Variants in PCIF1 observed in about 807,000 individuals in gnomAD.
PCIF1 encodes phosphorylated CTD interacting factor 1.
PCIF1 carries 12 observed loss-of-function variants against 86.9 expected under a neutral mutation model. The ratio of observed to expected loss-of-function variants is 0.14; its 90% CI spans 0.09 to 0.22. The LOEUF is 0.22. PCIF1 is among the 10% of genes least tolerant of loss of function. The pLI, the probability that PCIF1 is intolerant of heterozygous loss-of-function variation, is 1.00. For synonymous variants in PCIF1, 397 were observed against 372.0 expected (o/e 1.07, Z -0.77); for missense variants, 701 against 951.1 (o/e 0.74, Z 3.46).
Position 45,934,774 on chromosome 20 carries a change from A to G in PCIF1, c.-218A>G, listed in dbSNP as rs1466146594. 3 of 398,280 alleles carry G rather than the reference A, an allele frequency of 7.5e-6. No homozygotes were observed. Among genetic ancestry groups the G allele is most frequent in the African/African-American group, 2.1e-5 (1 of 48,590 alleles). 24.7% of individuals were successfully genotyped at this position (398,280 alleles called of 1,614,324 possible). A position where few individuals can be genotyped will look rare whatever the true frequency, so the allele number is the denominator to read the frequency against. ...AAACGGGCGGTCGAGCAGAACGTGT[A>G]GCCGCGTCCCCTCCAGTCCGCTCCG... On this transcript the variant is annotated 5_prime_UTR_variant, in exon 1 of 17. Transcript: ENST00000372409.
Position 45,947,737 on chromosome 20 carries a change from C to T in PCIF1, c.2097C>T (p.Arg699=), listed in dbSNP as rs144348252. Reference sequence around the variant, plus strand: ...CGGGCCGTGAGCAGGGTCCTAGCCGCGAGCCTCACCCCACTTAACATATCC... The same window carrying T: ...CGGGCCGTGAGCAGGGTCCTAGCCGTGAGCCTCACCCCACTTAACATATCC... ...RDSGREQGPS[R]EPHPT The change falls in exon 17 of 17, where the codon CGC becomes CGT. Residue 699 remains arginine, a synonymous_variant. Transcript: ENST00000372409. The surrounding 1 kb of genome is among the most constrained non-coding windows in gnomAD (Gnocchi z 5.4). The T allele has an allele frequency of 2.6e-4, 418 of 1,600,400 alleles. 1 individual carries two copies. The highest frequency in any genetic ancestry group is 1.8e-3 in the African/African-American group (133 of 74,732).
chr20:45,944,317 A>C (rs185055580), intron 10 of PCIF1, among the ~76,000 whole-genome samples: 48 of 152,314 alleles, frequency 3.2e-4, no homozygotes, highest in African/African-American at 1.0e-3. Flanking sequence ...AGAGAGTGAC[A>C]AAGGTAGGTG....
intron 7 of PCIF1, among the ~76,000 whole-genome samples, chr20:45,941,697 A>G (rs1467629801): frequency 1.3e-5 from 2 of 151,854 alleles, no homozygotes; most frequent in Non-Finnish European, 2.9e-5. Flanking sequence ...TGACCTTGTG[A>G]TGCGCCCGCC....
chr20:45,934,821 G>A lies in PCIF1; in HGVS notation c.-188+17G>A, dbSNP rs2083402064. ...TCCGGGCAGGTAAGAGTCCCAGGAA[G>A]CCATGGTCCCGCAGCGAGCCGCGCC... is the stretch of plus-strand genomic sequence containing the variant. On this transcript the variant is annotated intron_variant, in intron 1 of 16. Transcript: ENST00000372409. The A allele has an allele frequency of 7.5e-6, 3 of 398,236 alleles. No individual in the cohort carries two copies. The highest frequency in any genetic ancestry group is 6.3e-4 in the Middle Eastern group (1 of 1,590). The allele number at this position is 398,236 out of a possible 1,614,324, so 24.7% of individuals were successfully genotyped here.
Position 45,943,277 on chromosome 20 carries a change from C to G in PCIF1, c.821+33C>G, listed in dbSNP as rs778049244. 1 of 1,613,904 alleles carries G rather than the reference C, an allele frequency of 6.2e-7. No individual in the cohort carries two copies. The highest frequency in any genetic ancestry group is 2.2e-5 in the East Asian group (1 of 44,882). The stretch of plus-strand genomic sequence containing the variant: ...TCCACAGCTGGGGATGACCCTGGGC[C>G]ATTTGGTTTCTGTGCCCAGTCATGT... On this transcript the variant is annotated intron_variant, in intron 8 of 16. Coordinates refer to ENST00000372409, the MANE Select transcript of PCIF1 (RefSeq NM_022104.4). The surrounding 1 kb of genome is among the most constrained non-coding windows in gnomAD (Gnocchi z 5.5).
chr20:45,947,499 C>A lies in PCIF1; in HGVS notation c.1884-25C>A. On this transcript the variant is annotated intron_variant, in intron 16 of 16. Transcript: ENST00000372409. The surrounding 1 kb of genome is among the most constrained non-coding windows in gnomAD (Gnocchi z 5.4). ...CTGGCCAGGCCAGGCCCAGCCCCACCCTGAGCCATTGCCTTTGCCCGCAGG... is the reference window on the plus strand; with the variant it reads ...CTGGCCAGGCCAGGCCCAGCCCCACACTGAGCCATTGCCTTTGCCCGCAGG... 9 of 1,613,596 alleles carry A rather than the reference C, an allele frequency of 5.6e-6. No homozygotes were observed. The highest frequency in any genetic ancestry group is 1.1e-5 in the South Asian group (1 of 91,082).
rs767656395 is a variant in PCIF1, at chr20:45,947,785, G to A, written c.*30G>A. The stretch of plus-strand genomic sequence containing the variant: ...TCCTGCGGGGAGGAGGAGCCCCAGG[G>A]GTGCTAGTCTGGACTGCTGGGACTC... On this transcript the variant is annotated 3_prime_UTR_variant, in exon 17 of 17. Coordinates refer to ENST00000372409, the MANE Select transcript of PCIF1 (RefSeq NM_022104.4). The surrounding 1 kb of genome is among the most constrained non-coding windows in gnomAD (Gnocchi z 5.4). 36 of 1,586,064 alleles carry A rather than the reference G, an allele frequency of 2.3e-5. 1 individual carries two copies. The African/African-American group carries it at 3.7e-4, about 16-fold the overall frequency.
intron 10 of PCIF1, among the ~76,000 whole-genome samples, 182 bp from the exon 11 acceptor site, chr20:45,944,686 T>A (rs2083504986): frequency 6.6e-6 from 1 of 152,232 alleles, no homozygotes; most frequent in Admixed American, 6.5e-5. Context: ...TCGTGTCCCC[T>A]TGACACTTGA....
In PCIF1 at chr20:45,944,980, A is replaced by G. The variant is rs777073326; in HGVS notation, c.1118A>G (p.Lys373Arg). 29 of 1,613,856 alleles carry G rather than the reference A, an allele frequency of 1.8e-5. No homozygotes were observed. The highest frequency in any genetic ancestry group is 6.7e-5 in the East Asian group (3 of 44,896). Residue 373 changes from lysine to arginine, a missense_variant, in exon 11 of 17, where the codon AAA (lysine) becomes AGA (arginine). Lys to Arg is a conservative substitution (Grantham distance 26). Around this residue, in one of 7 missense-constraint regions of PCIF1, gnomAD observed 121 missense variants for 131.7 expected, o/e 0.92. Coordinates refer to ENST00000372409, the MANE Select transcript of PCIF1 (RefSeq NM_022104.4). ...KIYHISLEYV[K>R]RIREKHLAIL... The stretch of plus-strand genomic sequence containing the variant: ...TACCACATCTCCCTGGAGTACGTCA[A>G]ACGGATCCGAGAGAAGCACCTTGCC...
In PCIF1 at chr20:45,946,272, C is replaced by T; in HGVS notation, c.1501C>T (p.Leu501Phe). The change falls in exon 14 of 17, where the codon CTC becomes TTC. Residue 501 changes from leucine to phenylalanine, a missense_variant. By Grantham distance (22) the Leu-to-Phe change is conservative (BLOSUM62 0). Transcript: ENST00000372409. Reference sequence around the variant, plus strand: ...GCTGCCTGTGCATGTCTTTGAGGCCCTCCACCGACTCTTTGGCGTCAGCTT... The same window carrying T: ...GCTGCCTGTGCATGTCTTTGAGGCCTTCCACCGACTCTTTGGCGTCAGCTT... ...GSLPVHVFEA[L>F]HRLFGVSFEC... 6.2e-7 allele frequency: 1 copy of T among 1,614,184 alleles called. No individual in the cohort carries two copies. The highest frequency in any genetic ancestry group is 8.5e-7 in the Non-Finnish European group (1 of 1,180,042).
At position 45,940,664 on chromosome 20, in the gene PCIF1, C is replaced by T. The variant is rs193117448; in HGVS notation, c.387+52C>T. 845 of 1,576,910 alleles carry T rather than the reference C, an allele frequency of 5.4e-4. 4 individuals are homozygous for T. The African/African-American group carries it at 0.01, about 19-fold the overall frequency. ...TGCCGAGCGGCCGGCTCAGACGGGC[C>T]GCCTGCAGGCTCCCTGCAGGGGCTG... On this transcript the variant is annotated intron_variant, in intron 5 of 16. Coordinates refer to ENST00000372409, the MANE Select transcript of PCIF1 (RefSeq NM_022104.4).
In PCIF1 at chr20:45,939,201, G is replaced by C. The variant is rs202220890; in HGVS notation, c.125-14G>C. The C allele has an allele frequency of 1.4e-5, 23 of 1,613,866 alleles. No individual in the cohort carries two copies. In the Admixed American group the frequency reaches 2.8e-4, roughly 20 times the overall value. The stretch of plus-strand genomic sequence containing the variant: ...GCAGTCCTGACCCTGGCTGGGCTCC[G>C]TGCCTGTTTGCAGAGGAGCTGGTGC... On this transcript the variant is annotated splice_polypyrimidine_tract_variant and intron_variant, in intron 3 of 16. Transcript: ENST00000372409.
In PCIF1 at chr20:45,947,834, C is replaced by A; in HGVS notation, c.*79C>A. On this transcript the variant is annotated 3_prime_UTR_variant, in exon 17 of 17. Transcript: ENST00000372409. This position sits in a 1 kb window ranked among gnomAD's most constrained non-coding sequence, Gnocchi z 5.4. ...TCGGGCCCCTGGGGCCTCAGAGGGA[C>A]CCCGGCTGCCACTGACATATGAAGA... 3 of 1,534,720 alleles carry A rather than the reference C, an allele frequency of 2.0e-6. No homozygotes were observed. The highest frequency in any genetic ancestry group is 2.6e-6 in the Non-Finnish European group (3 of 1,153,412).
intron 7 of PCIF1, among the ~76,000 whole-genome samples, chr20:45,941,960 CTTTT>C (rs74176836): frequency 7.3e-6 from 1 of 136,668 alleles, no homozygotes; most frequent in Non-Finnish European, 1.6e-5. Flanking sequence ...GGCCTTTCAC[CTTTT>C]TTTTTTTTTT....
intron 11 of PCIF1, among the ~76,000 whole-genome samples, chr20:45,945,493 C>T (rs552974834): frequency 5.3e-5 from 8 of 152,346 alleles, no homozygotes; most frequent in South Asian, 4.1e-4. Flanking sequence ...GGCCCTGCTT[C>T]GGTACTGAGT....
chr20:45,937,175 C>T (rs768458786), intron 1 of PCIF1, among the ~76,000 whole-genome samples: 1 of 152,214 alleles, frequency 6.6e-6, no homozygotes, highest in Non-Finnish European at 1.5e-5. Flanking sequence ...CAGAGCCTTA[C>T]ACCAAGCTCA....
At chr20:45,946,870 G>T (rs2083532329) in intron 14 of PCIF1, among the ~76,000 whole-genome samples, 3 of 152,164 alleles carry the variant, frequency 2.0e-5, no homozygotes. Context: ...GGTGAACATG[G>T]GCATCCCAGC....
rs1568792182 is a variant in PCIF1 at position 45,940,516 on chromosome 20, C to G, written c.291C>G (p.Asp97Glu). ...LGLNATPLPQ[D>E]SSLVETPPAE... ...TGAATGCGACCCCACTGCCCCAAGACTCAAGCTTGGTGGAAACTCCCCCGG... is the reference window on the plus strand; with the variant it reads ...TGAATGCGACCCCACTGCCCCAAGAGTCAAGCTTGGTGGAAACTCCCCCGG... The change falls in exon 5 of 17, where the codon GAC (aspartate) becomes GAG (glutamate). Residue 97 changes from aspartate to glutamate, a missense_variant. Transcript: ENST00000372409. The G allele has an allele frequency of 1.9e-6, 3 of 1,608,394 alleles. No homozygotes were observed. The highest frequency in any genetic ancestry group is 2.5e-6 in the Non-Finnish European group (3 of 1,177,266).
At chr20:45,939,927 A>T (rs1293567577) in intron 4 of PCIF1, among the ~76,000 whole-genome samples, 1 of 152,104 alleles carries the variant, frequency 6.6e-6, no homozygotes, top group Admixed American at 6.5e-5. Context: ...TTCATTTTGC[A>T]TGTGAAGACA....
Sources: gnomAD v4.1 joint callset for allele counts (sites outside exome capture counted in the v4.1 genomes callset) on GRCh38, gnomAD v4.1.1 for gene constraint, gnomAD v4.1.1 regional missense constraint, Gnocchi (gnomAD v3.1) non-coding constraint, MANE v1.5 for transcripts, NCBI Gene and HGNC (gene_info 2026-07-23, HGNC 2026-07-21) for gene names.